NCOR1: variants seen among roughly 807,000 people sequenced by gnomAD.
The protein encoded by NCOR1 is protein phosphatase 1, regulatory subunit 109.
NCOR1 carries 63 observed loss-of-function variants against 288.1 expected under a neutral mutation model. The observed-to-expected ratio is 0.22, with a 90% CI of 0.18 to 0.27. The LOEUF is 0.27. Ranked by LOEUF, NCOR1 falls within the 10% of genes least tolerant of loss-of-function variation. The pLI is 1.00. For missense variants in NCOR1, 2,397 were observed against 3,019.2 expected (o/e 0.79, Z 4.83); for synonymous variants, 1,007 against 1,065.9 (o/e 0.94, Z 1.08).
rs1193917265 is a variant in NCOR1, at chr17:16,092,685, ATATATATATATTTTTTT to A, written c.2821-644_2821-628del. ...TATATATATATATATATATATATAT[ATATATATATATTTTTTT>A]TTTTTTTTTTTTTTAAGACATAGTC... On this transcript the variant is annotated intron_variant, in intron 21 of 45. Coordinates refer to ENST00000268712, the MANE Select transcript of NCOR1 (RefSeq NM_006311.4). Among the ~76,000 whole-genome samples the A allele has an allele frequency of 1.2e-3, 17 of 13,846 alleles. No individual in the cohort carries two copies. The East Asian group carries it at 0.013, about 10-fold the overall frequency. The allele number at this position is 13,846 out of a possible 152,430, so 9.1% of individuals were successfully genotyped here.
At chr17:16,107,371 A>T (rs1369506695) in intron 19 of NCOR1, among the ~76,000 whole-genome samples, 1 of 152,112 alleles carries the variant, frequency 6.6e-6, no homozygotes, top group African/African-American at 2.4e-5. Context: ...ATCCAGTAGG[A>T]GTTGTCTTCA....
chr17:16,068,775 G>A (rs568795075), intron 31 of NCOR1, among the ~76,000 whole-genome samples: 6 of 148,694 alleles, frequency 4.0e-5, no homozygotes, highest in Non-Finnish European at 8.9e-5. Flanking sequence ...GTGCAGTGGC[G>A]TGATCTTGGC....
intron 1 of NCOR1, among the ~76,000 whole-genome samples, chr17:16,196,780 G>A (rs935260854): frequency 1.8e-4 from 27 of 149,324 alleles, no homozygotes; most frequent in Admixed American, 7.4e-4. Context: ...AGCCAAGATC[G>A]GGCCACTGCA....
rs747924657 is a variant in NCOR1 at position 16,186,696 on chromosome 17, A to C, written c.109-9T>G. On this transcript the variant is annotated splice_polypyrimidine_tract_variant and intron_variant, in intron 2 of 45. Coordinates refer to ENST00000268712, the MANE Select transcript of NCOR1 (RefSeq NM_006311.4). The stretch of plus-strand genomic sequence containing the variant: ...TCAGGGACTGCGAACTCCTAGTATT[A>C]AAATAATCATAAATCAATTATTAAC... 8.1e-6 allele frequency: 13 copies of C among 1,608,978 alleles called. No individual in the cohort carries two copies. Among genetic ancestry groups the C allele is most frequent in the Non-Finnish European group, 1.1e-5 (13 of 1,177,418 alleles).
chr17:16,092,695 A>ATATATATTTTTT (rs1567961490), intron 21 of NCOR1, among the ~76,000 whole-genome samples: 1 of 22,600 alleles, frequency 4.4e-5, no homozygotes, highest in African/African-American at 2.1e-4. Flanking sequence ...ATATATATAT[A>ATATATATTTTTT]TTTTTTTTTT....
At chr17:16,155,331 A>G (rs1273041907) in intron 6 of NCOR1, among the ~76,000 whole-genome samples, 1 of 146,596 alleles carries the variant, frequency 6.8e-6, no homozygotes, top group African/African-American at 2.6e-5. Context: ...AGCCTGGGCA[A>G]CAGAACAAGA....
intron 44 of NCOR1, among the ~76,000 whole-genome samples, 195 bp from the exon 45 acceptor site, chr17:16,035,139 T>C (rs761695090): frequency 3.3e-5 from 5 of 152,202 alleles, no homozygotes; most frequent in Non-Finnish European, 7.4e-5. Context: ...ACAATTATTT[T>C]GCTGGTGGAT....
chr17:16,215,401 C>A lies in NCOR1; in HGVS notation c.-110G>T. 1 of 395,886 alleles carries A rather than the reference C, an allele frequency of 2.5e-6. No individual in the cohort carries two copies. Among genetic ancestry groups the A allele is most frequent in the Non-Finnish European group, 4.5e-6 (1 of 224,206 alleles). The allele number at this position is 395,886 out of a possible 1,614,324, so 24.5% of individuals were successfully genotyped here. On this transcript the variant is annotated 5_prime_UTR_variant, in exon 1 of 46. Transcript: ENST00000268712. ...GCGTGGGAGCCGACGTGCGCCCCGG[C>A]CTGAGGAGTGGGACGCGGCCACGGC...
At chr17:16,211,860 C>T (rs2092159842) in intron 1 of NCOR1, among the ~76,000 whole-genome samples, 1 of 152,120 alleles carries the variant, frequency 6.6e-6, no homozygotes, top group African/African-American at 2.4e-5. Flanking sequence ...ATTACAGAAG[C>T]TTTTCATAGT....
intron 44 of NCOR1, chr17:16,039,202 A>C (rs1200474894): frequency 5.8e-6 from 3 of 519,904 alleles, no homozygotes; most frequent in African/African-American, 1.9e-5. Context: ...AAAAATGGAC[A>C]TCCCAGGAGG....
In NCOR1 at chr17:16,212,783, C is replaced by A. The variant is rs114031356; in HGVS notation, c.-71+2579G>T. 4.1e-3 allele frequency among the ~76,000 whole-genome samples: 621 copies of A among 151,948 alleles called. 6 individuals carry two copies. The highest frequency in any genetic ancestry group is 0.014 in the African/African-American group (599 of 41,446). ...ATTCATAACACAATTTTTTTTAATGCTTTTAAGGCCGGGTGCAGTGGCTCA... is the reference window on the plus strand; with the variant it reads ...ATTCATAACACAATTTTTTTTAATGATTTTAAGGCCGGGTGCAGTGGCTCA... On this transcript the variant is annotated intron_variant, in intron 1 of 45. Transcript: ENST00000268712.
At chr17:16,071,700 C>T (rs1277800432) in intron 29 of NCOR1, 35 bp from the exon 30 acceptor site, 2 of 1,581,700 alleles carry the variant, frequency 1.3e-6, no homozygotes, top group South Asian at 2.3e-5. Context: ...TAAAATAATG[C>T]TGATGGTTGC....
intron 1 of NCOR1, 83 bp downstream of exon 1, chr17:16,215,279 G>A: frequency 5.1e-6 from 2 of 388,816 alleles, no homozygotes; most frequent in East Asian, 3.6e-5. Context: ...CCGTCCCAGC[G>A]GCTGCTGCCC....
At position 16,182,683 on chromosome 17, in the gene NCOR1, A is replaced by T. The variant is rs2085738552; in HGVS notation, c.242+3871T>A. 2.0e-5 allele frequency among the ~76,000 whole-genome samples: 3 copies of T among 152,102 alleles called. No individual in the cohort carries two copies. The South Asian group carries it at 6.2e-4, about 32-fold the overall frequency. ...TAGCCAGGATGGTCTCAATCTCCTG[A>T]CCTCGTGATCCGTCCACCTTGGCCT... On this transcript the variant is annotated intron_variant, in intron 3 of 45. Coordinates refer to ENST00000268712, the MANE Select transcript of NCOR1 (RefSeq NM_006311.4).
In NCOR1 at chr17:16,139,955, T is replaced by C. The variant is rs80328591; in HGVS notation, c.1174-769A>G. Among the ~76,000 whole-genome samples the C allele has an allele frequency of 1.9e-3, 294 of 152,326 alleles. 7 individuals are homozygous for C. The East Asian group carries it at 0.053, about 28-fold the overall frequency. ...AGTCAAGTCCTTACAAAGTCTCTAA[T>C]TTCCTGGGACACTCTCAATCAGTTT... On this transcript the variant is annotated intron_variant, in intron 11 of 45. Transcript: ENST00000268712.
intron 40 of NCOR1, among the ~76,000 whole-genome samples, chr17:16,053,992 G>A (rs1597916926): frequency 6.8e-6 from 1 of 147,360 alleles, no homozygotes; most frequent in South Asian, 2.2e-4. Context: ...GCTATCACAT[G>A]CAGAAGACTG....
chr17:16,122,063 C>T (rs190339037), intron 15 of NCOR1, among the ~76,000 whole-genome samples: 231 of 152,322 alleles, frequency 1.5e-3, no homozygotes, highest in Non-Finnish European at 2.6e-3. Context: ...TAACAGTTTG[C>T]TATTATTCAA....
chr17:16,099,788 A>G (rs935364425), intron 20 of NCOR1, among the ~76,000 whole-genome samples: 2 of 152,244 alleles, frequency 1.3e-5, no homozygotes, highest in African/African-American at 4.8e-5. Flanking sequence ...TGAAAGAAAA[A>G]GAGTGATAGT....
intron 3 of NCOR1, among the ~76,000 whole-genome samples, chr17:16,178,645 G>A (rs1420035393): frequency 6.6e-6 from 1 of 151,696 alleles, no homozygotes; most frequent in African/African-American, 2.4e-5. Flanking sequence ...AATTCTTTCC[G>A]TGAATCCCAC....
Sources: allele counts gnomAD v4.1 joint callset (sites outside exome capture counted in the v4.1 genomes callset), GRCh38; gene constraint gnomAD v4.1.1; transcripts MANE v1.5; gene names NCBI Gene and HGNC (gene_info 2026-07-23, HGNC 2026-07-21).